The following GTF3C1 variants were observed in gnomAD, a reference collection of about 807,000 sequenced individuals.
GTF3C1 encodes the protein general transcription factor IIIC subunit 1, also known as general transcription factor 3C polypeptide 1.
In GTF3C1, 57 loss-of-function variants were observed where a neutral mutation model predicts 226.7. That is an observed-to-expected ratio of 0.25 (90% CI 0.20 to 0.31). The LOEUF (loss-of-function observed/expected upper bound fraction) is 0.31, where lower values mean the gene tolerates loss of function less well. Among genes scored for constraint, GTF3C1 ranks in the 10% least tolerant of loss-of-function variants. The pLI, the probability that GTF3C1 is intolerant of heterozygous loss-of-function variation, is 1.00. For synonymous variants in GTF3C1, 1,090 were observed against 1,084.8 expected (o/e 1.00, Z -0.09); for missense variants, 2,217 against 2,776.1 (o/e 0.80, Z 4.53).
At chr16:27,472,815 G>A (rs557367991) in intron 29 of GTF3C1, among the ~76,000 whole-genome samples, 4 of 152,330 alleles carry the variant, frequency 2.6e-5, no homozygotes, top group South Asian at 2.1e-4. Flanking sequence ...CCTCCTCTGA[G>A]GTCAATTGCC....
chr16:27,516,133 G>GC lies in GTF3C1; in HGVS notation c.974-4233dup, dbSNP rs1426156553. ...ACATCAGTGGCATTCAAGGTGGCGG[G>GC]CCCCCCCTTATTGTGAGATAAGCCC... On this transcript the variant is annotated intron_variant, in intron 6 of 36. Transcript: ENST00000356183. Among the ~76,000 whole-genome samples the GC allele has an allele frequency of 2.0e-5, 3 of 152,252 alleles. No homozygotes were observed. The South Asian group carries it at 6.2e-4, about 32-fold the overall frequency.
chr16:27,467,347 GT>G (rs2087799556), intron 32 of GTF3C1, among the ~76,000 whole-genome samples: 2 of 152,196 alleles, frequency 1.3e-5, no homozygotes, highest in African/African-American at 2.4e-5. Flanking sequence ...CAGCACATCT[GT>G]TTACAATGTG....
chr16:27,469,319 G>C lies in GTF3C1; in HGVS notation c.5046C>G (p.Thr1682=). The C allele has an allele frequency of 6.3e-7, 1 of 1,578,166 alleles. No homozygotes were observed. The highest frequency in any genetic ancestry group is 1.7e-4 in the Middle Eastern group (1 of 6,008). ...CGGGCCTGAGCCGGGCGGGCACAGGGGTGCAGCGGAGCTGGAACTTCATCT... is the reference window on the plus strand; with the variant it reads ...CGGGCCTGAGCCGGGCGGGCACAGGCGTGCAGCGGAGCTGGAACTTCATCT... ...SCQMKFQLRC[T]PVPARLRPAA... Residue 1682 remains threonine (T), a synonymous_variant, in exon 32 of 37, where the codon ACC becomes ACG. Transcript: ENST00000356183. This position sits in a 1 kb window ranked among gnomAD's most constrained non-coding sequence, Gnocchi z 4.5.
At chr16:27,517,030 C>A in intron 6 of GTF3C1, among the ~76,000 whole-genome samples, 1 of 152,202 alleles carries the variant, frequency 6.6e-6, no homozygotes, top group East Asian at 1.9e-4. Context: ...GCTGTGAGCC[C>A]TGCTGCTGTG....
In GTF3C1 at chr16:27,538,232, G is replaced by A. The variant is rs1196099244; in HGVS notation, c.556C>T (p.Arg186Trp). ...TGGAGCTCCCCTTGCCACCTGGACC[G>A]GCCTAGCCGTTCCAGGATGCAGTAG... Reference protein sequence around the residue: ...FSYCILERLGRSRWQGELQRD... With the variant: ...FSYCILERLGWSRWQGELQRD... Residue 186 changes from arginine to tryptophan, a missense_variant, in exon 3 of 37, where the codon CGG (arginine) becomes TGG (tryptophan). Around this residue, in one of 12 missense-constraint regions of GTF3C1, gnomAD observed 192 missense variants for 251.8 expected, o/e 0.76. Coordinates refer to ENST00000356183, the MANE Select transcript of GTF3C1 (RefSeq NM_001520.4). The A allele has an allele frequency of 6.2e-7, 1 of 1,611,048 alleles. No individual in the cohort carries two copies. The highest frequency in any genetic ancestry group is 8.5e-7 in the Non-Finnish European group (1 of 1,178,172).
intron 28 of GTF3C1, 140 bp from the exon 29 acceptor site, chr16:27,476,684 T>C: frequency 3.2e-6 from 2 of 621,952 alleles, no homozygotes; most frequent in Non-Finnish European, 5.8e-6. Flanking sequence ...AAACACAATA[T>C]ATGATGGTTT....
chr16:27,476,268 A>G (rs761949608), intron 29 of GTF3C1, among the ~76,000 whole-genome samples, 183 bp downstream of exon 29: 8 of 152,274 alleles, frequency 5.3e-5, no homozygotes, highest in Non-Finnish European at 1.0e-4. Flanking sequence ...AACATACACA[A>G]TAAACACAAA....
chr16:27,461,126 GA>G lies in GTF3C1; in HGVS notation c.*223del, dbSNP rs1396171943. ...GTGTGATGAGGCCAGTTCCCAAGGG[GA>G]AGGCCCAGAAGAGCCTGGGGGATGG... On this transcript the variant is annotated 3_prime_UTR_variant, in exon 37 of 37. Transcript: ENST00000356183. This position sits in a 1 kb window ranked among gnomAD's most constrained non-coding sequence, Gnocchi z 5.3. 31 of 495,814 alleles carry G rather than the reference GA, an allele frequency of 6.3e-5. No individual in the cohort carries two copies. The Admixed American group carries it at 9.7e-4, about 16-fold the overall frequency. The allele number at this position is 495,814 out of a possible 1,614,324, so 30.7% of individuals were successfully genotyped here.
At chr16:27,522,438 G>A (rs530033048) in intron 6 of GTF3C1, among the ~76,000 whole-genome samples, 1 of 152,296 alleles carries the variant, frequency 6.6e-6, no homozygotes, top group East Asian at 1.9e-4. Flanking sequence ...TTTATTTCTG[G>A]ACTCTCAGTT....
At chr16:27,541,933 G>A (rs1485469970) in intron 2 of GTF3C1, among the ~76,000 whole-genome samples, 1 of 152,156 alleles carries the variant, frequency 6.6e-6, no homozygotes, top group Non-Finnish European at 1.5e-5. Context: ...ATATCACCCT[G>A]TAAAAAATTG....
At position 27,498,723 on chromosome 16, in the gene GTF3C1, A is replaced by C; in HGVS notation, c.2072T>G (p.Val691Gly). 6.5e-7 allele frequency: 1 copy of C among 1,550,236 alleles called. No homozygotes were observed. The highest frequency in any genetic ancestry group is 8.9e-7 in the Non-Finnish European group (1 of 1,121,692). Residue 691 changes from valine (V) to glycine (G), a missense_variant, in exon 13 of 37, where the codon GTG becomes GGG. Physicochemically the swap from Val to Gly is moderately radical, Grantham distance 109. Transcript: ENST00000356183. ...GTTCTGGTCCATGGACGGGTGCACC[A>C]CCAGATCCACCTGGAGAGAGAGGTT... Reference protein sequence around the residue: ...QDGIKKKVDLVVHPSMDQNDP... With the variant: ...QDGIKKKVDLGVHPSMDQNDP...
chr16:27,496,887 T>C (rs904441949), intron 14 of GTF3C1, among the ~76,000 whole-genome samples: 1 of 152,184 alleles, frequency 6.6e-6, no homozygotes, highest in Non-Finnish European at 1.5e-5. Flanking sequence ...GTGCAAATGC[T>C]GTCTAGTTGC....
At chr16:27,502,051 C>A (rs559329556) in intron 11 of GTF3C1, among the ~76,000 whole-genome samples, 53 of 150,690 alleles carry the variant, frequency 3.5e-4, no homozygotes, top group Non-Finnish European at 6.3e-4. Context: ...GCCGAGATTG[C>A]ATCATGCACT....
chr16:27,503,099 C>A, intron 10 of GTF3C1, 104 bp from the exon 11 acceptor site: 2 of 773,260 alleles, frequency 2.6e-6, no homozygotes, highest in East Asian at 2.5e-5. Flanking sequence ...AACTTCTACT[C>A]CCATCTTTCA....
intron 11 of GTF3C1, among the ~76,000 whole-genome samples, chr16:27,501,887 G>C (rs1332328183): frequency 6.6e-6 from 1 of 152,180 alleles, no homozygotes; most frequent in Admixed American, 6.5e-5. Flanking sequence ...CAGATCACTT[G>C]AGGTCAGGAG....
chr16:27,489,574 G>C (rs1343681466), intron 20 of GTF3C1, 28 bp downstream of exon 20: 6 of 1,572,384 alleles, frequency 3.8e-6, no homozygotes, highest in African/African-American at 1.3e-5. Context: ...CCCAGTCCTG[G>C]CCGGCCGCGC....
intron 5 of GTF3C1, among the ~76,000 whole-genome samples, chr16:27,532,212 T>C (rs1211666473): frequency 6.6e-6 from 1 of 152,176 alleles, no homozygotes; most frequent in Non-Finnish European, 1.5e-5. Flanking sequence ...GCCACAAGCC[T>C]CCAGACTGTA....
intron 20 of GTF3C1, 33 bp downstream of exon 20, chr16:27,489,569 T>C: frequency 6.4e-7 from 1 of 1,561,096 alleles, no homozygotes. Flanking sequence ...CGCAGCCCAG[T>C]CCTGGCCGGC....
At chr16:27,517,310 C>T (rs528336300) in intron 6 of GTF3C1, among the ~76,000 whole-genome samples, 1 of 152,250 alleles carries the variant, frequency 6.6e-6, no homozygotes, top group African/African-American at 2.4e-5. Flanking sequence ...TCCTATTTGC[C>T]TTTTTGAAGG....
Sources: allele counts gnomAD v4.1 joint callset (sites outside exome capture counted in the v4.1 genomes callset), GRCh38; gene constraint gnomAD v4.1.1; regional missense constraint gnomAD v4.1.1; non-coding constraint Gnocchi (gnomAD v3.1); transcripts MANE v1.5; gene names NCBI Gene and HGNC (gene_info 2026-07-23, HGNC 2026-07-21).